Variants in CALN1 observed in about 807,000 individuals in gnomAD.
The protein encoded by CALN1 is calneuron 1.
A neutral mutation model predicts 30.6 loss-of-function variants in CALN1; 17 were observed. That is an observed-to-expected ratio of 0.56 (90% CI 0.38 to 0.83). CALN1 has a LOEUF of 0.83. CALN1 is among the 40% of genes least tolerant of loss of function. The pLI, the probability that CALN1 is intolerant of heterozygous loss-of-function variation, is 0.00. For missense variants in CALN1, 291 were observed against 354.9 expected (o/e 0.82, Z 1.45); for synonymous variants, 156 against 131.4 (o/e 1.19, Z -1.28).
intron 2 of CALN1, among the ~76,000 whole-genome samples, chr7:72,325,136 C>T (rs1801182097): frequency 6.6e-6 from 1 of 151,796 alleles, no homozygotes; most frequent in Non-Finnish European, 1.5e-5. Context: ...CCCGTCTCTA[C>T]AAAAAAATTT....
chr7:72,459,974 A>G, the CALN1 span, among the ~76,000 whole-genome samples: 1 of 152,204 alleles, frequency 6.6e-6, no homozygotes, highest in African/African-American at 2.4e-5. Flanking sequence ...TGCAGGCTGT[A>G]TAAGAAGCAT....
intron 5 of CALN1, among the ~76,000 whole-genome samples, chr7:71,860,372 T>C (rs1289832292): frequency 6.6e-6 from 1 of 152,042 alleles, no homozygotes; most frequent in Non-Finnish European, 1.5e-5. Flanking sequence ...TTTGTACTTT[T>C]AGTAGAAACG....
At chr7:72,158,495 G>A (rs979556270) in intron 3 of CALN1, among the ~76,000 whole-genome samples, 4 of 152,146 alleles carry the variant, frequency 2.6e-5, no homozygotes, top group Admixed American at 2.6e-4. Context: ...CACACCAACA[G>A]CTGAAAATGC....
At chr7:72,489,769 G>A in the CALN1 span, among the ~76,000 whole-genome samples, 1 of 152,190 alleles carries the variant, frequency 6.6e-6, no homozygotes, top group African/African-American at 2.4e-5. Context: ...AGCACCCTGT[G>A]ACCAGGCAAG....
chr7:72,370,973 G>A (rs558675890), intron 2 of CALN1, among the ~76,000 whole-genome samples: 6 of 151,182 alleles, frequency 4.0e-5, no homozygotes, highest in South Asian at 2.1e-4. Flanking sequence ...ACTTGAACCC[G>A]GGACGTGGAG....
intron 3 of CALN1, among the ~76,000 whole-genome samples, chr7:72,181,855 C>CA (rs1487374296): frequency 1.3e-5 from 2 of 152,190 alleles, no homozygotes; most frequent in Non-Finnish European, 2.9e-5. Flanking sequence ...CACAAGTATT[C>CA]AGCCTATCCA....
chr7:72,026,500 C>T (rs574291582), intron 4 of CALN1, among the ~76,000 whole-genome samples: 1 of 152,044 alleles, frequency 6.6e-6, no homozygotes, highest in South Asian at 2.1e-4. Flanking sequence ...GCAGGAGAAT[C>T]GCTGAACCCA....
At chr7:71,997,940 C>A (rs1799334066) in intron 5 of CALN1, among the ~76,000 whole-genome samples, 1 of 152,064 alleles carries the variant, frequency 6.6e-6, no homozygotes, top group South Asian at 2.1e-4. Flanking sequence ...TGTGCCTCAG[C>A]CTCCCAAGTA....
At chr7:71,854,061 G>T (rs573986611) in intron 5 of CALN1, among the ~76,000 whole-genome samples, 1 of 152,292 alleles carries the variant, frequency 6.6e-6, no homozygotes, top group South Asian at 2.1e-4. Context: ...GTGTGTGTGT[G>T]TGTAGGGTTT....
chr7:72,413,793 C>T (rs780303017), upstream of CALN1, among the ~76,000 whole-genome samples: 6 of 151,844 alleles, frequency 4.0e-5, no homozygotes, highest in Non-Finnish European at 4.4e-5. Context: ...ACGCACCACT[C>T]GCAAACATTC....
chr7:72,167,888 T>G (rs1788635743), intron 3 of CALN1, among the ~76,000 whole-genome samples: 1 of 152,172 alleles, frequency 6.6e-6, no homozygotes, highest in Non-Finnish European at 1.5e-5. Context: ...CAACAGCAAT[T>G]GATTATCCCA....
In CALN1 at chr7:71,872,910, G is replaced by A. The variant is rs1016289555; in HGVS notation, c.502-62418C>T. On this transcript the variant is annotated intron_variant, in intron 5 of 6. Coordinates refer to ENST00000395275, the MANE Select transcript of CALN1 (RefSeq NM_031468.4). ...ATTACAAGCATGAGCCACGGCGCCC[G>A]GCCGTGCTTTATTTTTCCATGGAAA... Among the ~76,000 whole-genome samples, 21 of 151,898 alleles carry A rather than the reference G, an allele frequency of 1.4e-4. No individual in the cohort carries two copies. The South Asian group carries it at 2.7e-3, about 20-fold the overall frequency.
intron 5 of CALN1, among the ~76,000 whole-genome samples, chr7:71,878,863 C>T (rs1312800108): frequency 6.6e-6 from 1 of 152,168 alleles, no homozygotes; most frequent in Non-Finnish European, 1.5e-5. Flanking sequence ...AGACCACAGC[C>T]GTGGAGCTCC....
At chr7:72,153,521 T>C (rs1312643832) in intron 3 of CALN1, among the ~76,000 whole-genome samples, 1 of 142,948 alleles carries the variant, frequency 7.0e-6, no homozygotes, top group Non-Finnish European at 1.5e-5. Context: ...TCTACAAAAT[T>C]AAAAAAAAAA....
chr7:71,899,207 G>C (rs903872906), intron 5 of CALN1, among the ~76,000 whole-genome samples: 2 of 149,248 alleles, frequency 1.3e-5, no homozygotes, highest in Non-Finnish European at 3.0e-5. Context: ...GTAATGGCGC[G>C]ATCTCGGCTC....
chr7:72,353,964 A>T (rs993594348), intron 2 of CALN1, among the ~76,000 whole-genome samples: 1 of 152,196 alleles, frequency 6.6e-6, no homozygotes. Flanking sequence ...AAGTGGGTGG[A>T]TCACCTGAAG....
rs187285209 is a variant in CALN1, at chr7:72,369,198, A to G, written c.119+34053T>C. ...TGTAAAGTGTACAATTTATAAGTTG[A>G]TAAGTTTTATACCTGTATACACCTG... On this transcript the variant is annotated intron_variant, in intron 2 of 6. Coordinates refer to ENST00000395275, the MANE Select transcript of CALN1 (RefSeq NM_031468.4). 2.6e-4 allele frequency among the ~76,000 whole-genome samples: 39 copies of G among 151,738 alleles called. No homozygotes were observed. The East Asian group carries it at 4.6e-3, about 18-fold the overall frequency.
chr7:71,941,408 G>C (rs1031585103), intron 5 of CALN1, among the ~76,000 whole-genome samples: 7 of 151,724 alleles, frequency 4.6e-5, no homozygotes, highest in Non-Finnish European at 8.8e-5. Flanking sequence ...GTTAACTGAC[G>C]GGGGGAAGAC....
chr7:72,364,164 T>A (rs370055273), intron 2 of CALN1, among the ~76,000 whole-genome samples: 1 of 152,166 alleles, frequency 6.6e-6, no homozygotes, highest in Non-Finnish European at 1.5e-5. Context: ...TAGAGAAGCA[T>A]ACCTCATTAC....
Sources: gnomAD v4.1 joint callset for allele counts (sites outside exome capture counted in the v4.1 genomes callset) on GRCh38, gnomAD v4.1.1 for gene constraint, MANE v1.5 for transcripts, NCBI Gene and HGNC (gene_info 2026-07-23, HGNC 2026-07-21) for gene names.